Variants in VDAC1 observed in about 807,000 individuals in gnomAD.
VDAC1 encodes voltage dependent anion channel 1, also known as non-selective voltage-gated ion channel VDAC1.
VDAC1 carries 10 observed loss-of-function variants against 34.7 expected under a neutral mutation model. That is an observed-to-expected ratio of 0.29 (90% CI 0.18 to 0.49). The LOEUF is 0.49. VDAC1 is among the 20% of genes least tolerant of loss of function. The pLI is 0.99. For missense variants in VDAC1, 230 were observed against 347.9 expected, an observed-to-expected ratio of 0.66 and a Z score of 2.69; for synonymous variants, 130 against 136.0, an observed-to-expected ratio of 0.96 and a Z score of 0.30.
the VDAC1 span, among the ~76,000 whole-genome samples, chr5:134,100,043 G>T: frequency 7.9e-5 from 12 of 152,380 alleles, no homozygotes; most frequent in East Asian, 2.3e-3. Flanking sequence ...CCAGCCTTAT[G>T]TGGCTGGCCC....
chr5:134,047,313 A>G, the VDAC1 span, among the ~76,000 whole-genome samples: 898 of 152,216 alleles, frequency 5.9e-3, 2 homozygotes, highest in Middle Eastern at 0.02. Flanking sequence ...TAGGTGGTAC[A>G]TTGAGGGAAG....
chr5:133,983,971 G>A (rs1257939914), intron 5 of VDAC1, among the ~76,000 whole-genome samples: 3 of 152,150 alleles, frequency 2.0e-5, no homozygotes, highest in Non-Finnish European at 2.9e-5. Flanking sequence ...CCCAGAAGCC[G>A]AGCAGATGCC....
At chr5:134,007,168 C>A (rs547435018), upstream of VDAC1, among the ~76,000 whole-genome samples, 8 of 151,628 alleles carry the variant, frequency 5.3e-5, no homozygotes, top group South Asian at 4.2e-4. Flanking sequence ...TGCTTGAACC[C>A]AGGAGGCGGA....
chr5:134,110,279 G>T, the VDAC1 span, among the ~76,000 whole-genome samples: 1 of 152,134 alleles, frequency 6.6e-6, no homozygotes, highest in Non-Finnish European at 1.5e-5. Flanking sequence ...ACAATTCTTG[G>T]TTATTGTATG....
At chr5:134,033,156 T>A in the VDAC1 span, among the ~76,000 whole-genome samples, 2 of 59,172 alleles carry the variant, frequency 3.4e-5, no homozygotes, top group Admixed American at 1.9e-4. Context: ...AGAAACTAAT[T>A]TTTTTTTTTT....
intron 1 of VDAC1, among the ~76,000 whole-genome samples, chr5:134,002,883 C>T (rs1753613044): frequency 6.6e-6 from 1 of 151,750 alleles, no homozygotes; most frequent in African/African-American, 2.4e-5. Flanking sequence ...GGAGGATTGC[C>T]TGAACCCAGG....
In VDAC1 at chr5:133,971,910, A is replaced by G. The variant is rs1397679872; in HGVS notation, c.*861T>C. 5 of 152,670 alleles carry G rather than the reference A, an allele frequency of 3.3e-5. No individual in the cohort carries two copies. Among genetic ancestry groups the G allele is most frequent in the Middle Eastern group, 3.2e-3 (1 of 316 alleles). 9.5% of individuals were successfully genotyped at this position (152,670 alleles called of 1,614,324 possible). On this transcript the variant is annotated 3_prime_UTR_variant, in exon 9 of 9. Coordinates refer to ENST00000265333, the MANE Select transcript of VDAC1 (RefSeq NM_003374.3). ...ATTTTATTAATAAAGACAACAGAAG[A>G]AGGATGAGGTTTCAATATTTTATTC... is the stretch of plus-strand genomic sequence containing the variant.
intron 1 of VDAC1, 90 bp from the exon 2 acceptor site, chr5:133,993,108 CA>C: frequency 7.6e-7 from 1 of 1,317,238 alleles, no homozygotes; most frequent in Non-Finnish European, 1.0e-6. Flanking sequence ...AATTAGCAAC[CA>C]ATAAAAATCA....
chr5:134,088,904 A>C, the VDAC1 span, among the ~76,000 whole-genome samples: 5 of 152,212 alleles, frequency 3.3e-5, no homozygotes, highest in African/African-American at 1.2e-4. Flanking sequence ...ACTCAATCAC[A>C]CACATCCATT....
At chr5:134,000,963 A>G (rs1753527803) in intron 1 of VDAC1, among the ~76,000 whole-genome samples, 1 of 152,202 alleles carries the variant, frequency 6.6e-6, no homozygotes, top group Non-Finnish European at 1.5e-5. Context: ...ACCAGATCCC[A>G]GGGAAAACGG....
chr5:134,068,334 G>GTT, the VDAC1 span, among the ~76,000 whole-genome samples: 4,578 of 144,030 alleles, frequency 0.032, 79 homozygotes, highest in African/African-American at 0.043. Context: ...ACTCCTATCA[G>GTT]TTTTTTTTTT....
the VDAC1 span, among the ~76,000 whole-genome samples, chr5:134,072,484 G>A: frequency 6.6e-6 from 1 of 152,156 alleles, no homozygotes; most frequent in Non-Finnish European, 1.5e-5. Context: ...GCAGTTGACG[G>A]GAATCCTCTT....
intron 6 of VDAC1, 119 bp from the exon 7 acceptor site, chr5:133,976,140 T>C: frequency 1.6e-6 from 2 of 1,251,128 alleles, no homozygotes; most frequent in Non-Finnish European, 2.3e-6. Context: ...CCAATACTGG[T>C]ATTAAGGGAA....
At chr5:134,077,136 G>A in the VDAC1 span, among the ~76,000 whole-genome samples, 22 of 152,112 alleles carry the variant, frequency 1.4e-4, no homozygotes, top group African/African-American at 5.3e-4. Context: ...AATTAGCCAG[G>A]CGTGGTGGCG....
the VDAC1 span, among the ~76,000 whole-genome samples, chr5:134,103,432 C>T: frequency 6.6e-6 from 1 of 152,122 alleles, no homozygotes; most frequent in South Asian, 2.1e-4. Context: ...TGGTGTCATT[C>T]TTTAACTTCA....
chr5:134,006,858 CACTT>C (rs1378694453), upstream of VDAC1, among the ~76,000 whole-genome samples: 1 of 151,874 alleles, frequency 6.6e-6, no homozygotes, highest in Admixed American at 6.6e-5. Context: ...ATTAACCACT[CACTT>C]AGTGGCTGCG....
chr5:134,055,753 T>TTCTG, the VDAC1 span, among the ~76,000 whole-genome samples: 1 of 150,190 alleles, frequency 6.7e-6, no homozygotes, highest in Non-Finnish European at 1.5e-5. Flanking sequence ...AATTGTCTTT[T>TTCTG]TTTCTTTAAA....
chr5:134,062,554 C>A, the VDAC1 span, among the ~76,000 whole-genome samples: 3 of 151,682 alleles, frequency 2.0e-5, no homozygotes, highest in Non-Finnish European at 2.9e-5. Flanking sequence ...ATTATACTAA[C>A]CTCATAAAGT....
chr5:134,067,660 G>GGAGGGGGAGGGCGAGGGAGGA, the VDAC1 span, among the ~76,000 whole-genome samples: 1 of 148,262 alleles, frequency 6.7e-6, no homozygotes, highest in African/African-American at 2.5e-5. Flanking sequence ...GCGGTGAGGG[G>GGAGGGGGAGGGCGAGGGAGGA]GAGGGGGAGG....
Sources: allele counts gnomAD v4.1 joint callset (sites outside exome capture counted in the v4.1 genomes callset), GRCh38; gene constraint gnomAD v4.1.1; transcripts MANE v1.5; gene names NCBI Gene and HGNC (gene_info 2026-07-23, HGNC 2026-07-21).